GPC6: variants seen among roughly 807,000 people sequenced by gnomAD.
GPC6 encodes the protein glypican 6.
In GPC6, 14 loss-of-function variants were observed where a neutral mutation model predicts 55.2. That is an observed-to-expected ratio of 0.25 (90% confidence interval 0.17 to 0.40). The LOEUF (loss-of-function observed/expected upper bound fraction) is 0.40, where lower values mean the gene tolerates loss of function less well. Ranked by LOEUF, GPC6 falls within the 10% of genes least tolerant of loss-of-function variation. The probability of loss-of-function intolerance (pLI) is 1.00; values close to 1 mark genes in which losing one functional copy is unlikely to be tolerated. For missense variants in GPC6, 641 were observed against 708.5 expected (o/e 0.90, Z 1.08); for synonymous variants, 278 against 259.6 (o/e 1.07, Z -0.68).
chr13:93,641,638 C>T (rs1879947424), intron 2 of GPC6, among the ~76,000 whole-genome samples: 2 of 152,016 alleles, frequency 1.3e-5, no homozygotes, highest in Admixed American at 1.3e-4. Flanking sequence ...CTTCACCTCA[C>T]CAGAGGAGGG....
intron 1 of GPC6, among the ~76,000 whole-genome samples, chr13:93,406,369 C>T (rs539691976): frequency 7.9e-5 from 12 of 152,272 alleles, no homozygotes; most frequent in Admixed American, 5.2e-4. Flanking sequence ...CTGGACTCTG[C>T]AGTGAGTTGT....
At chr13:94,271,370 G>A (rs866209682) in intron 4 of GPC6, among the ~76,000 whole-genome samples, 52 of 85,876 alleles carry the variant, frequency 6.1e-4, no homozygotes, top group African/African-American at 1.5e-3. Flanking sequence ...ACACACACGC[G>A]CGCGCGCGCG....
intron 1 of GPC6, among the ~76,000 whole-genome samples, chr13:93,401,336 G>A (rs1190576757): frequency 6.6e-6 from 1 of 152,062 alleles, no homozygotes; most frequent in South Asian, 2.1e-4. Flanking sequence ...GGGAATGAGC[G>A]CTGTCAGGGA....
intron 2 of GPC6, among the ~76,000 whole-genome samples, chr13:93,756,854 A>T (rs544092319): frequency 2.6e-5 from 4 of 152,268 alleles, no homozygotes; most frequent in African/African-American, 7.2e-5. Flanking sequence ...AATACTGCAA[A>T]CTGTGAGCAG....
At chr13:93,695,492 A>C (rs1042420717) in intron 2 of GPC6, among the ~76,000 whole-genome samples, 1 of 152,054 alleles carries the variant, frequency 6.6e-6, no homozygotes, top group African/African-American at 2.4e-5. Flanking sequence ...TTCAAGCATC[A>C]TATAATCCTT....
chr13:93,243,916 T>G (rs545544390), intron 1 of GPC6, among the ~76,000 whole-genome samples: 15 of 151,996 alleles, frequency 9.9e-5, no homozygotes, highest in Non-Finnish European at 2.1e-4. Flanking sequence ...TTGGCCTGTG[T>G]TATTCAGGGG....
chr13:93,525,852 G>T (rs1376216423), intron 1 of GPC6, among the ~76,000 whole-genome samples: 1 of 152,046 alleles, frequency 6.6e-6, no homozygotes, highest in Non-Finnish European at 1.5e-5. Flanking sequence ...GTGAATAAAT[G>T]AATTAATAAA....
At chr13:94,162,027 C>A (rs2138914636) in intron 4 of GPC6, among the ~76,000 whole-genome samples, 1 of 152,238 alleles carries the variant, frequency 6.6e-6, no homozygotes, top group African/African-American at 2.4e-5. Flanking sequence ...GGAGAAACCA[C>A]CCCCATGATT....
intron 4 of GPC6, among the ~76,000 whole-genome samples, chr13:94,203,028 A>G (rs1234235368): frequency 1.3e-5 from 2 of 152,104 alleles, no homozygotes; most frequent in Admixed American, 1.3e-4. Context: ...TTTTTGAGCA[A>G]TTGTAATTTC....
chr13:94,333,909 G>A (rs1003661955), intron 6 of GPC6, among the ~76,000 whole-genome samples: 1 of 152,154 alleles, frequency 6.6e-6, no homozygotes, highest in African/African-American at 2.4e-5. Context: ...TTAAGATGGT[G>A]GGAAAGGAGA....
At chr13:94,016,133 C>G (rs536739184) in intron 3 of GPC6, among the ~76,000 whole-genome samples, 3 of 152,130 alleles carry the variant, frequency 2.0e-5, no homozygotes, top group African/African-American at 7.2e-5. Context: ...TAGAATCATG[C>G]GGTATCTGTC....
intron 2 of GPC6, among the ~76,000 whole-genome samples, chr13:93,549,598 C>A (rs1289382454): frequency 1.3e-5 from 2 of 152,158 alleles, no homozygotes; most frequent in Non-Finnish European, 2.9e-5. Context: ...CTCTGAGCCA[C>A]CTACCACATC....
chr13:93,601,690 G>A (rs1404661925), intron 2 of GPC6, among the ~76,000 whole-genome samples: 1 of 152,162 alleles, frequency 6.6e-6, no homozygotes, highest in East Asian at 1.9e-4. Flanking sequence ...CCTACCATGG[G>A]TAGCTGGATG....
At chr13:93,312,016 T>C (rs896359105) in intron 1 of GPC6, among the ~76,000 whole-genome samples, 12 of 152,186 alleles carry the variant, frequency 7.9e-5, no homozygotes, top group African/African-American at 2.9e-4. Flanking sequence ...TGGAGAGTTA[T>C]GTGAGTAATA....
At chr13:94,280,419 A>G (rs1892344613) in intron 4 of GPC6, among the ~76,000 whole-genome samples, 1 of 152,022 alleles carries the variant, frequency 6.6e-6, no homozygotes, top group Non-Finnish European at 1.5e-5. Flanking sequence ...CTCTCTTTCC[A>G]GCCTCTCCTG....
At chr13:93,850,917 T>G (rs1273221599) in intron 3 of GPC6, among the ~76,000 whole-genome samples, 1 of 151,982 alleles carries the variant, frequency 6.6e-6, no homozygotes, top group Non-Finnish European at 1.5e-5. Flanking sequence ...GTTTCAGGAC[T>G]GCACCTCTGA....
rs2140420807 is a variant in GPC6, at chr13:93,997,130, T to C, written c.712-30599T>C. 1.3e-5 allele frequency among the ~76,000 whole-genome samples: 2 copies of C among 152,310 alleles called. 1 individual carries two copies. The highest frequency in any genetic ancestry group is 6.8e-3 in the Middle Eastern group (2 of 294). On this transcript the variant is annotated intron_variant, in intron 3 of 8. Coordinates refer to ENST00000377047, the MANE Select transcript of GPC6 (RefSeq NM_005708.5). ...TGAACTTCTCCGTGTTTCCTCTTTT[T>C]AAAAAGTTCTCTTTTTAAGTAACAT...
intron 1 of GPC6, among the ~76,000 whole-genome samples, chr13:93,332,259 T>C (rs1879877118): frequency 6.8e-6 from 1 of 146,634 alleles, no homozygotes. Flanking sequence ...ATTTCTGTTT[T>C]TCTTTTTTTT....
At chr13:93,474,836 TTA>T (rs1291092415) in intron 1 of GPC6, among the ~76,000 whole-genome samples, 2 of 152,184 alleles carry the variant, frequency 1.3e-5, no homozygotes, top group Non-Finnish European at 2.9e-5. Context: ...TTTAAAGTAA[TTA>T]TAATGCTATT....
Sources: allele counts gnomAD v4.1 joint callset (sites outside exome capture counted in the v4.1 genomes callset), GRCh38; gene constraint gnomAD v4.1.1; transcripts MANE v1.5; gene names NCBI Gene and HGNC (gene_info 2026-07-23, HGNC 2026-07-21).